VPS29: variants seen among roughly 807,000 people sequenced by gnomAD.
VPS29 encodes vacuolar protein sorting-associated protein 29.
A neutral mutation model predicts 20.0 loss-of-function variants in VPS29; 2 were observed. That is an observed-to-expected ratio of 0.10 (90% CI 0.04 to 0.31). The LOEUF (loss-of-function observed/expected upper bound fraction) is 0.31, where lower values mean the gene tolerates loss of function less well. VPS29 is among the 10% of genes least tolerant of loss of function. The pLI, the probability that VPS29 is intolerant of heterozygous loss-of-function variation, is 1.00. For synonymous variants in VPS29, 81 were observed against 79.3 expected (o/e 1.02, Z -0.12); for missense variants, 120 against 215.3 (o/e 0.56, Z 2.77).
intron 2 of VPS29, among the ~76,000 whole-genome samples, chr12:110,493,892 A>C (rs2062857542): frequency 1.3e-5 from 2 of 152,166 alleles, no homozygotes; most frequent in African/African-American, 4.8e-5. Context: ...AGCTTAATGT[A>C]GCCTTAATAC....
intron 1 of VPS29, chr12:110,498,840 A>C: frequency 2.0e-6 from 2 of 984,510 alleles, no homozygotes; most frequent in Non-Finnish European, 2.4e-6. Flanking sequence ...AACAATCTTC[A>C]TTTTAGAGGG....
chr12:110,499,477 A>C, intron 1 of VPS29: 1 of 1,609,998 alleles, frequency 6.2e-7, no homozygotes, highest in Non-Finnish European at 8.5e-7. Flanking sequence ...TAAGAAATCC[A>C]GTCAGTAAAC....
At chr12:110,498,344 T>C (rs1249169247) in intron 1 of VPS29, among the ~76,000 whole-genome samples, 1 of 152,186 alleles carries the variant, frequency 6.6e-6, no homozygotes, top group Non-Finnish European at 1.5e-5. Flanking sequence ...CCTTTACAGA[T>C]ATTGCATGCA....
chr12:110,492,968 C>T (rs760530329), intron 3 of VPS29, 28 bp downstream of exon 3: 2 of 1,565,040 alleles, frequency 1.3e-6, no homozygotes, highest in Non-Finnish European at 1.7e-6. Context: ...ACTAAAGCCC[C>T]CAAATTCCCA....
At chr12:110,500,989 G>A (rs1342858348) in intron 1 of VPS29, among the ~76,000 whole-genome samples, 3 of 152,090 alleles carry the variant, frequency 2.0e-5, no homozygotes, top group Non-Finnish European at 4.4e-5. Flanking sequence ...AGACCAGCCT[G>A]ACCAACATGG....
intron 3 of VPS29, 47 bp downstream of exon 3, chr12:110,492,949 A>C (rs758159587): frequency 6.6e-7 from 1 of 1,509,762 alleles, no homozygotes; most frequent in Non-Finnish European, 9.0e-7. Flanking sequence ...TCACACATGC[A>C]ATTATTTTAC....
In VPS29 at chr12:110,495,885, T is replaced by TACTATACATACTA; in HGVS notation, c.195+126_195+127insTAGTATGTATAGT. 3.6e-6 allele frequency: 3 copies of TACTATACATACTA among 836,234 alleles called. No individual in the cohort carries two copies. In the East Asian group the frequency reaches 8.1e-5, roughly 23 times the overall value. The allele number at this position is 836,234 out of a possible 1,614,324, so 51.8% of individuals were successfully genotyped here. On this transcript the variant is annotated intron_variant, in intron 2 of 3. Transcript: ENST00000549578. ...GGGCATGATGTATAGTAATTTTACA[T>TACTATACATACTA]TTGGAAAAGAAAAAGGGAAAAAAAA...
chr12:110,501,724 A>T, intron 1 of VPS29: 2 of 1,238,068 alleles, frequency 1.6e-6, no homozygotes, highest in Non-Finnish European at 2.3e-6. Flanking sequence ...TCCCCGGAAC[A>T]TTCGAGGTAT....
rs562446591 is a variant in VPS29, at chr12:110,492,199, A to T, written c.432-77T>A. The T allele has an allele frequency of 1.4e-5, 16 of 1,126,486 alleles. No homozygotes were observed. In the South Asian group the frequency reaches 2.0e-4, roughly 14 times the overall value. 69.8% of individuals were successfully genotyped at this position (1,126,486 alleles called of 1,614,324 possible). A position where few individuals can be genotyped will look rare whatever the true frequency, so the allele number is the denominator to read the frequency against. On this transcript the variant is annotated intron_variant, in intron 3 of 3. Transcript: ENST00000549578. ...CTATAAATTTCAATTTAAGATGACT[A>T]TTTGGATTCAGAGAAATCTGTTACA...
At chr12:110,501,226 G>A (rs535308973) in intron 1 of VPS29, among the ~76,000 whole-genome samples, 1 of 152,060 alleles carries the variant, frequency 6.6e-6, no homozygotes, top group East Asian at 1.9e-4. Flanking sequence ...CTCTCTAGTA[G>A]AGGCCCCCAG....
At chr12:110,492,247 A>G in intron 3 of VPS29, 125 bp from the exon 4 acceptor site, 1 of 769,460 alleles carries the variant, frequency 1.3e-6, no homozygotes, top group South Asian at 1.7e-5. Context: ...AGTTACCAAA[A>G]GATTGCCAAA....
At chr12:110,493,509 G>A (rs1027293475) in intron 2 of VPS29, among the ~76,000 whole-genome samples, 2 of 151,752 alleles carry the variant, frequency 1.3e-5, no homozygotes, top group Admixed American at 6.6e-5. Context: ...ACAGGCACCC[G>A]CCACCACGCC....
At chr12:110,499,888 T>G (rs2062972370) in intron 1 of VPS29, among the ~76,000 whole-genome samples, 2 of 152,242 alleles carry the variant, frequency 1.3e-5, no homozygotes, top group African/African-American at 4.8e-5. Context: ...TTTAGATTTT[T>G]ATAAGATTTT....
chr12:110,501,497 T>C (rs2135612616), intron 1 of VPS29: 1 of 1,535,468 alleles, frequency 6.5e-7, no homozygotes, highest in African/African-American at 1.4e-5. Flanking sequence ...AGAGCACACC[T>C]GCTCATCTCA....
chr12:110,492,262 C>T (rs1260111364), intron 3 of VPS29, 140 bp from the exon 4 acceptor site: 6 of 700,532 alleles, frequency 8.6e-6, no homozygotes, highest in Non-Finnish European at 4.8e-6. Flanking sequence ...GCCAAAATGG[C>T]TAGATTTATT....
intron 3 of VPS29, 44 bp downstream of exon 3, chr12:110,492,952 T>C: frequency 1.3e-6 from 2 of 1,528,670 alleles, no homozygotes. Context: ...CACATGCAAT[T>C]ATTTTACTAA....
chr12:110,495,059 G>A (rs2062882438), intron 2 of VPS29, among the ~76,000 whole-genome samples: 1 of 152,130 alleles, frequency 6.6e-6, no homozygotes, highest in Non-Finnish European at 1.5e-5. Flanking sequence ...CAGGTTTATT[G>A]AGGCGTAATT....
intron 3 of VPS29, among the ~76,000 whole-genome samples, chr12:110,492,337 A>C (rs919986977): frequency 3.9e-5 from 6 of 152,292 alleles, no homozygotes; most frequent in Middle Eastern, 3.4e-3. Flanking sequence ...TGGGAGGCTG[A>C]GGTGGGTGGA....
At chr12:110,499,667 CA>C (rs1028489442) in intron 1 of VPS29, 1 of 716,632 alleles carries the variant, frequency 1.4e-6, no homozygotes, top group African/African-American at 1.8e-5. Flanking sequence ...ACAAAAAACC[CA>C]TACCAAATGA....
Sources: allele counts gnomAD v4.1 joint callset (sites outside exome capture counted in the v4.1 genomes callset), GRCh38; gene constraint gnomAD v4.1.1; transcripts MANE v1.5; gene names NCBI Gene and HGNC (gene_info 2026-07-23, HGNC 2026-07-21).